Variants in ZNF99 observed in about 807,000 individuals in gnomAD.
The protein encoded by ZNF99 is zinc finger protein 99.
Under a neutral mutation model 12.8 loss-of-function variants are expected in ZNF99, and 8 were observed. The ratio of observed to expected loss-of-function variants is 0.62; its 90% CI spans 0.37 to 1.13. The LOEUF (loss-of-function observed/expected upper bound fraction) is 1.13, where lower values mean the gene tolerates loss of function less well. ZNF99 is among the 50% of genes most tolerant of loss of function. ZNF99 has a pLI of 0.02. For missense variants in ZNF99, 1,007 were observed against 1,006.2 expected (o/e 1.00, Z -0.01); for synonymous variants, 318 against 319.0 (o/e 1.00, Z 0.03).
In ZNF99 at chr19:22,757,020, T is replaced by A; in HGVS notation, c.*294A>T. 2 of 1,613,036 alleles carry A rather than the reference T, an allele frequency of 1.2e-6. No homozygotes were observed. Among genetic ancestry groups the A allele is most frequent in the Non-Finnish European group, 1.7e-6 (2 of 1,179,308 alleles). ...AGGGCTGAGAAATTGCTAAAAGCTT[T>A]GCCACATTCTTCACATTTGTACGAT... On this transcript the variant is annotated 3_prime_UTR_variant, in exon 4 of 4. Transcript: ENST00000596209.
At chr19:22,761,213 A>T (rs1403039039) in intron 3 of ZNF99, among the ~76,000 whole-genome samples, 1 of 152,168 alleles carries the variant, frequency 6.6e-6, no homozygotes, top group Non-Finnish European at 1.5e-5. Context: ...AGACCACTAT[A>T]AAAAATTTTA....
At chr19:22,762,984 T>C (rs1226645946) in intron 3 of ZNF99, among the ~76,000 whole-genome samples, 1 of 152,062 alleles carries the variant, frequency 6.6e-6, no homozygotes, top group African/African-American at 2.4e-5. Flanking sequence ...GGGACATACA[T>C]CAAGATAATA....
Position 22,758,387 on chromosome 19 carries a change from G to A in ZNF99, c.1522C>T (p.Pro508Ser). 6.2e-7 allele frequency: 1 copy of A among 1,605,010 alleles called. No individual in the cohort carries two copies. Among genetic ancestry groups the A allele is most frequent in the Non-Finnish European group, 8.5e-7 (1 of 1,173,932 alleles). Residue 508 changes from proline to serine, a missense_variant, in exon 4 of 4, where the codon CCT (proline) becomes TCT (serine). Pro to Ser is a moderately conservative substitution (Grantham distance 74). Transcript: ENST00000596209. ...TTGCCACATTCTTCACATTTGCAAGGTTTCTCTTCCATATGAATTACCTTA... is the reference window on the plus strand; with the variant it reads ...TTGCCACATTCTTCACATTTGCAAGATTTCTCTTCCATATGAATTACCTTA... ...VHKVIHMEEKPCKCEECGKAF... is the reference protein window; with the variant it reads ...VHKVIHMEEKSCKCEECGKAF...
rs986947171 is a variant in ZNF99 at position 22,752,843 on chromosome 19, G to A, written c.*4471C>T. On this transcript the variant is annotated 3_prime_UTR_variant, in exon 4 of 4. Transcript: ENST00000596209. Reference sequence around the variant, plus strand: ...TTAATTTTAACTAAAATTTTAAAATGTTTTTCTCACTATAATGCACAAAAA... The same window carrying A: ...TTAATTTTAACTAAAATTTTAAAATATTTTTCTCACTATAATGCACAAAAA... 5 of 152,004 alleles carry A rather than the reference G, an allele frequency of 3.3e-5. No individual in the cohort carries two copies. Among genetic ancestry groups the A allele is most frequent in the African/African-American group, 1.2e-4 (5 of 41,402 alleles). The allele number at this position is 152,004 out of a possible 1,614,324, so 9.4% of individuals were successfully genotyped here.
chr19:22,757,777 C>T lies in ZNF99; in HGVS notation c.2132G>A (p.Gly711Asp), dbSNP rs780324881. The change falls in exon 4 of 4, where the codon GGC (glycine) becomes GAC (aspartate). Residue 711 changes from glycine to aspartate, a missense_variant. Coordinates refer to ENST00000596209, the MANE Select transcript of ZNF99 (RefSeq NM_001080409.3). ...AGTTGAGGACTGGCTAAAAGCTTTG[C>T]CACATTCTTCACATTTGTAGGGTTT... ...GKKPYKCEECGKAFSQSSTLR... is the reference protein window; with the variant it reads ...GKKPYKCEECDKAFSQSSTLR... The T allele has an allele frequency of 6.2e-7, 1 of 1,612,636 alleles. No homozygotes were observed. The highest frequency in any genetic ancestry group is 1.3e-5 in the African/African-American group (1 of 74,714).
intron 1 of ZNF99, among the ~76,000 whole-genome samples, chr19:22,782,498 G>T (rs1480479099): frequency 6.6e-6 from 1 of 151,390 alleles, no homozygotes; most frequent in East Asian, 2.0e-4. Flanking sequence ...TAGGATTACA[G>T]GTACAGGCAT....
intron 1 of ZNF99, among the ~76,000 whole-genome samples, chr19:22,775,185 A>G (rs1041965063): frequency 3.3e-5 from 5 of 152,232 alleles, no homozygotes; most frequent in Non-Finnish European, 7.3e-5. Flanking sequence ...CAGTAACCAA[A>G]GCCACATAAT....
In ZNF99 at chr19:22,759,481, T is replaced by C. The variant is rs1973126096; in HGVS notation, c.428A>G (p.Lys143Arg). 6.2e-7 allele frequency: 1 copy of C among 1,606,366 alleles called. No homozygotes were observed. The highest frequency in any genetic ancestry group is 1.3e-5 in the African/African-American group (1 of 74,614). ...CACATATTTGTTACACTGAAATATTTTTCCCTGGGTAGTTGTCCAACATTG... is the reference window on the plus strand; with the variant it reads ...CACATATTTGTTACACTGAAATATTCTTCCCTGGGTAGTTGTCCAACATTG... ...LNQCWTTTQGKIFQCNKYVKV... is the reference protein window; with the variant it reads ...LNQCWTTTQGRIFQCNKYVKV... The change falls in exon 4 of 4, where the codon AAA becomes AGA. Residue 143 changes from lysine to arginine, a missense_variant. Coordinates refer to ENST00000596209, the MANE Select transcript of ZNF99 (RefSeq NM_001080409.3).
chr19:22,779,007 CA>C (rs540497626), intron 1 of ZNF99, among the ~76,000 whole-genome samples: 112 of 128,202 alleles, frequency 8.7e-4, no homozygotes, highest in Admixed American at 1.1e-3. Flanking sequence ...AACTCTATCT[CA>C]AAAAAAAAAA....
At position 22,755,439 on chromosome 19, in the gene ZNF99, A is replaced by G; in HGVS notation, c.*1875T>C. 3.4e-6 allele frequency: 1 copy of G among 293,066 alleles called. No homozygotes were observed. Among genetic ancestry groups the G allele is most frequent in the Non-Finnish European group, 7.0e-6 (1 of 142,586 alleles). 18.2% of individuals were successfully genotyped at this position (293,066 alleles called of 1,614,324 possible). ...TTGAGGACCAGTTAAAAGTTTTGCC[A>G]CACTCTTCACATGAGGCGGGTTTCT... On this transcript the variant is annotated 3_prime_UTR_variant, in exon 4 of 4. Transcript: ENST00000596209.
Position 22,763,904 on chromosome 19 carries a change from C to CTTTTT in ZNF99, c.227-4227_227-4223dup, listed in dbSNP as rs965211065. ...AAGGATACTCTTTTTTTTTTCTTTC[C>CTTTTT]TTTTTTTTTTTTTTTTTTTTTTGAG... On this transcript the variant is annotated intron_variant, in intron 3 of 3. Coordinates refer to ENST00000596209, the MANE Select transcript of ZNF99 (RefSeq NM_001080409.3). Among the ~76,000 whole-genome samples the CTTTTT allele has an allele frequency of 2.4e-4, 24 of 101,670 alleles. 1 individual carries two copies. The highest frequency in any genetic ancestry group is 7.5e-4 in the African/African-American group (16 of 21,404). 66.7% of individuals were successfully genotyped at this position (101,670 alleles called of 152,430 possible). A position where few individuals can be genotyped will look rare whatever the true frequency, so the allele number is the denominator to read the frequency against.
intron 1 of ZNF99, chr19:22,771,241 AT>A (rs1029403627): frequency 7.9e-5 from 7 of 89,040 alleles, no homozygotes; most frequent in African/African-American, 2.8e-4. Context: ...TTTAAAAAGC[AT>A]TTTCTTTTTT....
chr19:22,758,569 T>G lies in ZNF99; in HGVS notation c.1340A>C (p.His447Pro). 3.7e-6 allele frequency: 6 copies of G among 1,613,408 alleles called. No individual in the cohort carries two copies. Among genetic ancestry groups the G allele is most frequent in the Non-Finnish European group, 5.1e-6 (6 of 1,179,668 alleles). ...FSALRKHKII[H>P]TGKQPYKCEE... ...ACATTTGTAGGGTTGCTTTCCAGTA[T>G]GAATTATCTTATGTTTTCTAAGGGC... is the stretch of plus-strand genomic sequence containing the variant. The change falls in exon 4 of 4, where the codon CAT (histidine) becomes CCT (proline). Residue 447 changes from histidine (H) to proline (P), a missense_variant. Coordinates refer to ENST00000596209, the MANE Select transcript of ZNF99 (RefSeq NM_001080409.3).
At chr19:22,779,103 T>C (rs1461016199) in intron 1 of ZNF99, among the ~76,000 whole-genome samples, 1 of 152,180 alleles carries the variant, frequency 6.6e-6, no homozygotes, top group Non-Finnish European at 1.5e-5. Flanking sequence ...ATCCTTTGTG[T>C]GCTCCAGGAA....
chr19:22,781,953 A>G (rs554528482), intron 1 of ZNF99, among the ~76,000 whole-genome samples: 3 of 147,680 alleles, frequency 2.0e-5, no homozygotes, highest in Admixed American at 1.4e-4. Flanking sequence ...AGCAAGGAGG[A>G]AAAAAAAAAA....
intron 1 of ZNF99, among the ~76,000 whole-genome samples, chr19:22,771,817 A>C: frequency 7.1e-6 from 1 of 140,004 alleles, no homozygotes; most frequent in Non-Finnish European, 1.5e-5. Context: ...TCCCGGGTTC[A>C]AGCGATTCTC....
rs1433595296 is a variant in ZNF99, at chr19:22,752,998, AAAT to A, written c.*4313_*4315del. 2 of 152,094 alleles carry A rather than the reference AAAT, an allele frequency of 1.3e-5. No individual in the cohort carries two copies. Among genetic ancestry groups the A allele is most frequent in the Admixed American group, 6.6e-5 (1 of 15,266 alleles). 9.4% of individuals were successfully genotyped at this position (152,094 alleles called of 1,614,324 possible). On this transcript the variant is annotated 3_prime_UTR_variant, in exon 4 of 4. Coordinates refer to ENST00000596209, the MANE Select transcript of ZNF99 (RefSeq NM_001080409.3). ...CTTTCTCTTTTATGAAAAAGGTCATAAATAATGCCCATCTAATAAAAAAGAATC... is the reference window on the plus strand; with the variant it reads ...CTTTCTCTTTTATGAAAAAGGTCATAAATGCCCATCTAATAAAAAAGAATC...
chr19:22,779,399 C>T (rs1172046297), intron 1 of ZNF99, among the ~76,000 whole-genome samples: 1 of 152,182 alleles, frequency 6.6e-6, no homozygotes, highest in South Asian at 2.1e-4. Flanking sequence ...TGGCAGATGC[C>T]TGTAGTCCCA....
At chr19:22,776,436 T>G (rs1434028226) in intron 1 of ZNF99, among the ~76,000 whole-genome samples, 2 of 37,192 alleles carry the variant, frequency 5.4e-5, no homozygotes, top group Non-Finnish European at 1.0e-4. Context: ...TATATATATA[T>G]ATATATATAT....
Sources: allele counts gnomAD v4.1 joint callset (sites outside exome capture counted in the v4.1 genomes callset), GRCh38; gene constraint gnomAD v4.1.1; transcripts MANE v1.5; gene names NCBI Gene and HGNC (gene_info 2026-07-23, HGNC 2026-07-21).